The following CAMK2D variants were observed in gnomAD, a reference collection of about 807,000 sequenced individuals.
CAMK2D encodes the protein calcium/calmodulin dependent protein kinase II delta.
Under a neutral mutation model 84.0 loss-of-function variants are expected in CAMK2D, and 37 were observed. The observed-to-expected ratio is 0.44, with a 90% CI of 0.34 to 0.58. The LOEUF is 0.58. CAMK2D is among the 20% of genes least tolerant of loss of function. CAMK2D has a pLI of 0.02. For missense variants in CAMK2D, 448 were observed against 652.5 expected (o/e 0.69, Z 3.41); for synonymous variants, 202 against 212.5 (o/e 0.95, Z 0.43).
chr4:113,704,340 A>T (rs556441790), intron 2 of CAMK2D, among the ~76,000 whole-genome samples: 1 of 152,176 alleles, frequency 6.6e-6, no homozygotes, highest in East Asian at 1.9e-4. Context: ...TTGTACTGGG[A>T]TATTCTGGCA....
chr4:113,534,551 G>A (rs772200269), intron 7 of CAMK2D, among the ~76,000 whole-genome samples: 1 of 152,070 alleles, frequency 6.6e-6, no homozygotes, highest in Non-Finnish European at 1.5e-5. Context: ...TTTGGGACCA[G>A]CTTGTTTTTA....
intron 13 of CAMK2D, chr4:113,508,299 GA>G (rs762355705): frequency 2.0e-4 from 289 of 1,461,160 alleles, no homozygotes; most frequent in Non-Finnish European, 2.3e-4. Flanking sequence ...GAAAGGAAAA[GA>G]AAAAAAAATA....
At chr4:113,527,305 T>A (rs1274551587) in intron 8 of CAMK2D, among the ~76,000 whole-genome samples, 2 of 151,938 alleles carry the variant, frequency 1.3e-5, no homozygotes, top group African/African-American at 4.8e-5. Flanking sequence ...GGTCATCCTA[T>A]GTTGCCCAGG....
At chr4:113,685,249 T>C (rs1184676143) in intron 2 of CAMK2D, among the ~76,000 whole-genome samples, 4 of 151,734 alleles carry the variant, frequency 2.6e-5, no homozygotes, top group African/African-American at 9.7e-5. Flanking sequence ...CTTTTTTTTT[T>C]TTTTTTTTAG....
chr4:113,465,962 T>C (rs1238919369), intron 16 of CAMK2D, among the ~76,000 whole-genome samples: 1 of 152,024 alleles, frequency 6.6e-6, no homozygotes, highest in Non-Finnish European at 1.5e-5. Flanking sequence ...AAAATTAGTT[T>C]TTACTAAGGC....
chr4:113,713,165 C>T (rs2099499524), intron 2 of CAMK2D, among the ~76,000 whole-genome samples: 1 of 151,920 alleles, frequency 6.6e-6, no homozygotes, highest in Non-Finnish European at 1.5e-5. Context: ...CTTTTTCCCT[C>T]ATTTACAAAC....
chr4:113,719,041 GT>G (rs924555377), intron 2 of CAMK2D, among the ~76,000 whole-genome samples: 3 of 152,092 alleles, frequency 2.0e-5, no homozygotes, highest in Non-Finnish European at 4.4e-5. Flanking sequence ...AAAAAATGGA[GT>G]GATAACAAAG....
chr4:113,548,643 C>G (rs745316222), intron 5 of CAMK2D: 3 of 1,329,336 alleles, frequency 2.3e-6, no homozygotes, highest in Non-Finnish European at 3.2e-6. Context: ...GATTTATGGA[C>G]TCCATATACT....
chr4:113,629,554 ATACTCTGACATTTAATGAAATT>A (rs1361881282), intron 3 of CAMK2D, among the ~76,000 whole-genome samples: 2 of 152,094 alleles, frequency 1.3e-5, no homozygotes, highest in Non-Finnish European at 2.9e-5. Context: ...TACATGTAAT[ATACTCTGACATTTAATGAAATT>A]TATCTCACTA....
intron 4 of CAMK2D, among the ~76,000 whole-genome samples, chr4:113,575,887 G>GT (rs1239255138): frequency 3.3e-5 from 5 of 151,434 alleles, no homozygotes; most frequent in Non-Finnish European, 7.4e-5. Flanking sequence ...GTTATGTAAA[G>GT]TTTTTTTTTG....
chr4:113,741,566 C>T (rs2099593032), intron 2 of CAMK2D, among the ~76,000 whole-genome samples: 1 of 152,074 alleles, frequency 6.6e-6, no homozygotes, highest in Non-Finnish European at 1.5e-5. Flanking sequence ...GAACGTATCC[C>T]CCAGAGACAA....
chr4:113,759,204 A>G (rs1186072198), intron 2 of CAMK2D, 116 bp downstream of exon 2: 2 of 571,692 alleles, frequency 3.5e-6, no homozygotes, highest in Non-Finnish European at 6.2e-6. Flanking sequence ...AATATATAAT[A>G]TGATACCTAA....
chr4:113,507,045 A>G (rs566747580), intron 13 of CAMK2D, among the ~76,000 whole-genome samples: 36 of 152,294 alleles, frequency 2.4e-4, no homozygotes, highest in South Asian at 6.2e-4. Flanking sequence ...ATGTGCCTCA[A>G]CCACACTTTT....
At chr4:113,476,150 A>G (rs180953495) in intron 16 of CAMK2D, among the ~76,000 whole-genome samples, 1 of 152,286 alleles carries the variant, frequency 6.6e-6, no homozygotes, top group Admixed American at 6.5e-5. Flanking sequence ...TGTAGATCCA[A>G]AGGCCAGGGC....
chr4:113,559,893 T>A lies in CAMK2D; in HGVS notation c.276-7797A>T, dbSNP rs565750031. Among the ~76,000 whole-genome samples the A allele has an allele frequency of 1.6e-3, 248 of 152,324 alleles. 4 individuals carry two copies. Among genetic ancestry groups the A allele is most frequent in the African/African-American group, 5.6e-3 (232 of 41,588 alleles). ...CTAATCATCAATACTTCAGAAATAATCCTGAAATAGAGGTGACAGATGAGT... is the reference window on the plus strand; with the variant it reads ...CTAATCATCAATACTTCAGAAATAAACCTGAAATAGAGGTGACAGATGAGT... On this transcript the variant is annotated intron_variant, in intron 4 of 20. Coordinates refer to ENST00000511664, the MANE Select transcript of CAMK2D (RefSeq NM_001321571.2).
At chr4:113,481,324 C>T (rs1350009904) in intron 16 of CAMK2D, among the ~76,000 whole-genome samples, 1 of 151,860 alleles carries the variant, frequency 6.6e-6, no homozygotes, top group Non-Finnish European at 1.5e-5. Context: ...TGGCTATAAA[C>T]AAAACAGACA....
At chr4:113,543,634 G>T (rs1033029385) in intron 6 of CAMK2D, among the ~76,000 whole-genome samples, 1 of 151,978 alleles carries the variant, frequency 6.6e-6, no homozygotes, top group Admixed American at 6.5e-5. Context: ...TGATGCCTTC[G>T]TGGTTCCTGA....
At chr4:113,553,247 G>A (rs1468559559) in intron 4 of CAMK2D, among the ~76,000 whole-genome samples, 1 of 152,104 alleles carries the variant, frequency 6.6e-6, no homozygotes, top group African/African-American at 2.4e-5. Flanking sequence ...ACAGCGTTTA[G>A]TGACACAGGC....
intron 3 of CAMK2D, among the ~76,000 whole-genome samples, chr4:113,646,078 A>G (rs1175935840): frequency 6.6e-6 from 1 of 152,228 alleles, no homozygotes; most frequent in East Asian, 1.9e-4. Flanking sequence ...TACAGTCTTT[A>G]GGTGTGGGCC....
Sources: allele counts gnomAD v4.1 joint callset (sites outside exome capture counted in the v4.1 genomes callset), GRCh38; gene constraint gnomAD v4.1.1; transcripts MANE v1.5; gene names NCBI Gene and HGNC (gene_info 2026-07-23, HGNC 2026-07-21).